Variants in XKR6 observed in about 807,000 individuals in gnomAD.
The protein encoded by XKR6 is XK related 6.
Under a neutral mutation model 56.7 loss-of-function variants are expected in XKR6, and 22 were observed. The observed-to-expected ratio is 0.39, with a 90% CI of 0.28 to 0.55. The LOEUF (loss-of-function observed/expected upper bound fraction) is 0.55. Ranked by LOEUF, XKR6 falls within the 20% of genes least tolerant of loss-of-function variation. The pLI is 0.66. For missense variants in XKR6, 852 were observed against 889.0 expected, an observed-to-expected ratio of 0.96 and a Z score of 0.53; for synonymous variants, 524 against 387.8, an observed-to-expected ratio of 1.35 and a Z score of -4.13.
intron 2 of XKR6, among the ~76,000 whole-genome samples, chr8:10,904,258 A>G (rs1158138487): frequency 6.6e-6 from 1 of 152,150 alleles, no homozygotes; most frequent in African/African-American, 2.4e-5. Context: ...CTGGCTGGGA[A>G]GTCTCTGGGC....
intron 1 of XKR6, among the ~76,000 whole-genome samples, chr8:11,033,424 A>ATGACGATAGTGATGGTGATGGTGGTGG (rs1799054272): frequency 6.6e-6 from 1 of 151,354 alleles, no homozygotes; most frequent in African/African-American, 2.4e-5. Flanking sequence ...GATGATGATG[A>ATGACGATAGTGATGGTGATGGTGGTGG]TGATGGTGAT....
intron 1 of XKR6, among the ~76,000 whole-genome samples, chr8:11,127,983 A>G (rs1799911601): frequency 6.6e-6 from 1 of 152,154 alleles, no homozygotes; most frequent in Non-Finnish European, 1.5e-5. Context: ...ATTAGACTGC[A>G]TTTTTCTATT....
intron 1 of XKR6, among the ~76,000 whole-genome samples, chr8:10,964,467 T>A (rs1363230278): frequency 6.6e-6 from 1 of 152,134 alleles, no homozygotes; most frequent in Non-Finnish European, 1.5e-5. Context: ...ATTCAGCACT[T>A]GAAACAACCA....
intron 1 of XKR6, among the ~76,000 whole-genome samples, chr8:10,955,917 G>C (rs1294128175): frequency 2.0e-5 from 3 of 152,222 alleles, no homozygotes; most frequent in Admixed American, 6.5e-5. Flanking sequence ...CTGTGGCCAT[G>C]GGGCGATTCC....
At chr8:10,954,393 T>A in intron 1 of XKR6, among the ~76,000 whole-genome samples, 1 of 152,238 alleles carries the variant, frequency 6.6e-6, no homozygotes, top group Non-Finnish European at 1.5e-5. Context: ...TGGTTTTGAT[T>A]TGTATTTCCC....
intron 1 of XKR6, among the ~76,000 whole-genome samples, chr8:11,144,898 AGAAGGG>A (rs1377168331): frequency 6.9e-6 from 1 of 144,510 alleles, no homozygotes; most frequent in Non-Finnish European, 1.5e-5. Context: ...AAGGGGAAGG[AGAAGGG>A]GAAGGGGAAG....
At chr8:11,192,433 C>A (rs545772212) in intron 1 of XKR6, among the ~76,000 whole-genome samples, 70 of 152,254 alleles carry the variant, frequency 4.6e-4, no homozygotes, top group Admixed American at 1.2e-3. Context: ...CAGACGTGAG[C>A]CACAGCGCCT....
chr8:11,137,106 C>T (rs1800439713), intron 1 of XKR6: 1 of 155,010 alleles, frequency 6.5e-6, no homozygotes, highest in Non-Finnish European at 1.4e-5. Flanking sequence ...ATAAATGTCA[C>T]CACCTCCCTC....
At chr8:10,922,708 A>T (rs1312538255) in intron 2 of XKR6, among the ~76,000 whole-genome samples, 1 of 152,230 alleles carries the variant, frequency 6.6e-6, no homozygotes, top group Admixed American at 6.5e-5. Context: ...CCAAGCATAC[A>T]GCCTGGGTCC....
chr8:11,059,636 C>A (rs953777377), intron 1 of XKR6, among the ~76,000 whole-genome samples: 1 of 148,058 alleles, frequency 6.8e-6, no homozygotes, highest in Non-Finnish European at 1.5e-5. Context: ...GGGCGCGGGG[C>A]GGGGCGGGAC....
At chr8:11,110,087 C>T (rs1798830865) in intron 1 of XKR6, among the ~76,000 whole-genome samples, 1 of 152,268 alleles carries the variant, frequency 6.6e-6, no homozygotes, top group South Asian at 2.1e-4. Flanking sequence ...ATTCTCCTGC[C>T]TTAGCCTCCT....
chr8:10,918,394 G>C (rs1259765800), intron 2 of XKR6, among the ~76,000 whole-genome samples: 1 of 152,320 alleles, frequency 6.6e-6, no homozygotes, highest in South Asian at 2.1e-4. Context: ...ATCGCTTTCT[G>C]ACCATGTCAG....
intron 1 of XKR6, among the ~76,000 whole-genome samples, chr8:11,198,508 T>C (rs1300428158): frequency 7.3e-6 from 1 of 136,980 alleles, no homozygotes; most frequent in Non-Finnish European, 1.7e-5. Context: ...AGAGGAAAGT[T>C]AAGATCAGAA....
chr8:11,095,794 C>A (rs567188839), intron 1 of XKR6, among the ~76,000 whole-genome samples: 1 of 152,174 alleles, frequency 6.6e-6, no homozygotes, highest in Non-Finnish European at 1.5e-5. Flanking sequence ...AAAGCTCAAA[C>A]GGGTGATTCT....
At chr8:11,120,600 G>A (rs1278484636) in intron 1 of XKR6, among the ~76,000 whole-genome samples, 1 of 152,032 alleles carries the variant, frequency 6.6e-6, no homozygotes, top group Non-Finnish European at 1.5e-5. Flanking sequence ...TCGTGAAAAT[G>A]GCCATACTGC....
intron 1 of XKR6, among the ~76,000 whole-genome samples, chr8:11,174,776 A>G (rs1182996694): frequency 6.6e-6 from 1 of 152,124 alleles, no homozygotes; most frequent in African/African-American, 2.4e-5. Context: ...GGGAGCACAT[A>G]CTAGAGGGCT....
chr8:11,184,271 A>G (rs1193110107), intron 1 of XKR6, among the ~76,000 whole-genome samples: 1 of 152,146 alleles, frequency 6.6e-6, no homozygotes, highest in Non-Finnish European at 1.5e-5. Flanking sequence ...AAGAAACAAG[A>G]GCCCTCATGC....
intron 1 of XKR6, among the ~76,000 whole-genome samples, chr8:11,119,376 G>A (rs932972710): frequency 2.0e-5 from 3 of 152,168 alleles, no homozygotes; most frequent in South Asian, 2.1e-4. Flanking sequence ...TTAACTTTCT[G>A]TCTCGTTGAT....
At chr8:11,045,742 C>G (rs1017815792) in intron 1 of XKR6, among the ~76,000 whole-genome samples, 1 of 152,176 alleles carries the variant, frequency 6.6e-6, no homozygotes, top group South Asian at 2.1e-4. Context: ...CTGCTCCCTT[C>G]CTTATTGAAT....
Sources: allele counts gnomAD v4.1 joint callset (sites outside exome capture counted in the v4.1 genomes callset), GRCh38; gene constraint gnomAD v4.1.1; transcripts MANE v1.5; gene names NCBI Gene and HGNC (gene_info 2026-07-23, HGNC 2026-07-21).